AUTS2: variants seen among roughly 807,000 people sequenced by gnomAD.
AUTS2 encodes autism susceptibility gene 2 protein.
Under a neutral mutation model 112.4 loss-of-function variants are expected in AUTS2, and 17 were observed. That is an observed-to-expected ratio of 0.15 (90% CI 0.10 to 0.23). AUTS2 has a LOEUF of 0.23. AUTS2 is among the 10% of genes least tolerant of loss of function. AUTS2 has a pLI of 1.00. For synonymous variants in AUTS2, 751 were observed against 702.7 expected (o/e 1.07, Z -1.09); for missense variants, 1,510 against 1,701.6 (o/e 0.89, Z 1.98).
At chr7:69,889,347 A>G (rs1268927590) in intron 1 of AUTS2, among the ~76,000 whole-genome samples, 1 of 152,226 alleles carries the variant, frequency 6.6e-6, no homozygotes, top group East Asian at 1.9e-4. Flanking sequence ...ATTTTGATAC[A>G]CTGTAATAAG....
rs531062595 is a variant in AUTS2, at chr7:70,251,943, G to A, written c.660+117372G>A. On this transcript the variant is annotated intron_variant, in intron 4 of 18. Coordinates refer to ENST00000342771, the MANE Select transcript of AUTS2 (RefSeq NM_015570.4). ...ATTTATAATTTGTTTTTTCTCTCTCGGATATATTTTTTTCTGACCATTTAA... is the reference window on the plus strand; with the variant it reads ...ATTTATAATTTGTTTTTTCTCTCTCAGATATATTTTTTTCTGACCATTTAA... Among the ~76,000 whole-genome samples the A allele has an allele frequency of 1.3e-4, 20 of 151,358 alleles. No homozygotes were observed. The East Asian group carries it at 2.1e-3, about 16-fold the overall frequency.
Position 70,771,744 on chromosome 7 carries a change from C to T in AUTS2, c.1830+100C>T, listed in dbSNP as rs148211739. The T allele has an allele frequency of 1.2e-3, 1,258 of 1,013,322 alleles. 17 individuals carry two copies. The highest frequency in any genetic ancestry group is 0.012 in the South Asian group (798 of 65,124). The allele number at this position is 1,013,322 out of a possible 1,614,324, so 62.8% of individuals were successfully genotyped here. On this transcript the variant is annotated intron_variant, in intron 11 of 18. Transcript: ENST00000342771. ...GCGTCCTCTTGCCTGTGCAGTGACT[C>T]ATTAATCAGGTCCTAAGTGACCACT...
intron 1 of AUTS2, among the ~76,000 whole-genome samples, chr7:69,888,677 G>A (rs1794390249): frequency 6.6e-6 from 1 of 151,522 alleles, no homozygotes. Flanking sequence ...TACCTCCTGG[G>A]TTCAAGCGAT....
chr7:70,415,126 G>T (rs905834886), intron 4 of AUTS2, among the ~76,000 whole-genome samples: 4 of 152,168 alleles, frequency 2.6e-5, no homozygotes, highest in African/African-American at 9.7e-5. Context: ...TTCTCAAAGA[G>T]CCCCACCTCA....
At chr7:70,674,751 GA>G (rs1172216045) in intron 5 of AUTS2, among the ~76,000 whole-genome samples, 3 of 152,176 alleles carry the variant, frequency 2.0e-5, no homozygotes, top group African/African-American at 7.2e-5. Flanking sequence ...GCAGGCTCAA[GA>G]AAGCATGCAG....
intron 1 of AUTS2, among the ~76,000 whole-genome samples, chr7:69,705,265 G>A (rs535164386): frequency 1.3e-5 from 2 of 152,298 alleles, no homozygotes; most frequent in East Asian, 3.9e-4. Flanking sequence ...GCGTGCATAG[G>A]TCATCGGGCC....
chr7:70,539,590 C>T (rs543457676), intron 5 of AUTS2, among the ~76,000 whole-genome samples: 142 of 152,250 alleles, frequency 9.3e-4, no homozygotes, highest in South Asian at 3.7e-3. Context: ...TTCCTACTCC[C>T]ATTTCAAGCA....
intron 2 of AUTS2, among the ~76,000 whole-genome samples, chr7:69,999,629 G>T (rs1260832788): frequency 6.6e-6 from 1 of 152,072 alleles, no homozygotes; most frequent in East Asian, 1.9e-4. Context: ...CATGTTTCTT[G>T]TGGGTTTGAT....
At chr7:70,432,611 A>G (rs1340517320) in intron 4 of AUTS2, among the ~76,000 whole-genome samples, 1 of 152,220 alleles carries the variant, frequency 6.6e-6, no homozygotes. Context: ...TATGAGTGGA[A>G]TAGACCTCTT....
At chr7:69,862,464 T>C (rs1455444511) in intron 1 of AUTS2, among the ~76,000 whole-genome samples, 1 of 152,118 alleles carries the variant, frequency 6.6e-6, no homozygotes, top group African/African-American at 2.4e-5. Flanking sequence ...CTTTTCAGAG[T>C]TGTAAAATCG....
At chr7:70,574,240 G>C (rs1563050869) in intron 5 of AUTS2, among the ~76,000 whole-genome samples, 1 of 152,060 alleles carries the variant, frequency 6.6e-6, no homozygotes, top group African/African-American at 2.4e-5. Context: ...AAGGAGACCA[G>C]CAATGCCAAT....
chr7:70,752,799 A>G (rs561788403), intron 6 of AUTS2, among the ~76,000 whole-genome samples: 3 of 152,292 alleles, frequency 2.0e-5, no homozygotes, highest in African/African-American at 7.2e-5. Context: ...TCTCATTCTA[A>G]TGTTGGTCAT....
At chr7:69,609,978 A>G (rs1383807485) in intron 1 of AUTS2, among the ~76,000 whole-genome samples, 2 of 152,270 alleles carry the variant, frequency 1.3e-5, no homozygotes, top group East Asian at 1.9e-4. Context: ...TGTGCCTTAC[A>G]TATTTGCTGT....
chr7:70,401,474 T>C (rs570338960), intron 4 of AUTS2, among the ~76,000 whole-genome samples: 3 of 152,250 alleles, frequency 2.0e-5, no homozygotes, highest in African/African-American at 7.2e-5. Context: ...CCACAGGACA[T>C]GAAATAACCT....
At chr7:70,242,386 A>T (rs186085112) in intron 4 of AUTS2, among the ~76,000 whole-genome samples, 43 of 151,832 alleles carry the variant, frequency 2.8e-4, no homozygotes, top group African/African-American at 9.9e-4. Context: ...TCTCTCATCC[A>T]TTTCTGTTTC....
chr7:69,890,076 G>A (rs987964121), intron 1 of AUTS2, among the ~76,000 whole-genome samples: 1 of 152,042 alleles, frequency 6.6e-6, no homozygotes, highest in African/African-American at 2.4e-5. Flanking sequence ...ATTATCTGGA[G>A]GGACTGTAAT....
intron 4 of AUTS2, among the ~76,000 whole-genome samples, chr7:70,161,898 C>T (rs574197290): frequency 1.8e-4 from 27 of 151,976 alleles, no homozygotes; most frequent in Non-Finnish European, 1.3e-4. Flanking sequence ...AAGAAAAATA[C>T]TGTTGGAGTT....
intron 2 of AUTS2, among the ~76,000 whole-genome samples, chr7:70,032,522 G>A (rs1800828005): frequency 6.6e-6 from 1 of 151,802 alleles, no homozygotes; most frequent in South Asian, 2.1e-4. Flanking sequence ...CCAAACCTAT[G>A]ATCATCCTTA....
intron 5 of AUTS2, among the ~76,000 whole-genome samples, chr7:70,593,173 G>T (rs1803031619): frequency 6.6e-6 from 1 of 152,034 alleles, no homozygotes; most frequent in South Asian, 2.1e-4. Context: ...AAGTTATTTG[G>T]CATTTATAAT....
Sources: gnomAD v4.1 joint callset for allele counts (sites outside exome capture counted in the v4.1 genomes callset) on GRCh38, gnomAD v4.1.1 for gene constraint, MANE v1.5 for transcripts, NCBI Gene and HGNC (gene_info 2026-07-23, HGNC 2026-07-21) for gene names.